The following ZFR variants were observed in gnomAD, a reference collection of about 807,000 sequenced individuals.
ZFR encodes zinc finger RNA binding protein, also known as zinc finger RNA-binding protein.
Under a neutral mutation model 130.7 loss-of-function variants are expected in ZFR, and 19 were observed. The observed-to-expected ratio is 0.15, with a 90% CI of 0.10 to 0.21. The LOEUF (loss-of-function observed/expected upper bound fraction) is 0.21, where lower values mean the gene tolerates loss of function less well. Ranked by LOEUF, ZFR falls within the 10% of genes least tolerant of loss-of-function variation. The probability of loss-of-function intolerance (pLI) is 1.00; values close to 1 mark genes in which losing one functional copy is unlikely to be tolerated. For synonymous variants in ZFR, 466 were observed against 456.9 expected (o/e 1.02, Z -0.25); for missense variants, 872 against 1,321.5 (o/e 0.66, Z 5.27).
In ZFR at chr5:32,408,567, T is replaced by C. The variant is rs182588796; in HGVS notation, c.785-1546A>G. 1.3e-4 allele frequency among the ~76,000 whole-genome samples: 20 copies of C among 152,330 alleles called. No individual in the cohort carries two copies. In the East Asian group the frequency reaches 3.9e-3, roughly 29 times the overall value. ...TTCATTATTGGTAACTGGACAATTT[T>C]ATGGCATTTCTCTACAGTAAAATTT... On this transcript the variant is annotated intron_variant, in intron 5 of 19. Coordinates refer to ENST00000265069, the MANE Select transcript of ZFR (RefSeq NM_016107.5).
At chr5:32,430,301 T>C (rs971474002) in intron 2 of ZFR, among the ~76,000 whole-genome samples, 3 of 151,998 alleles carry the variant, frequency 2.0e-5, no homozygotes, top group Non-Finnish European at 2.9e-5. Flanking sequence ...TAAAACTAAA[T>C]CATCTGACAA....
chr5:32,382,022 C>T (rs995835816), intron 15 of ZFR, among the ~76,000 whole-genome samples: 1 of 152,160 alleles, frequency 6.6e-6, no homozygotes, highest in African/African-American at 2.4e-5. Context: ...GAAAAAAGGG[C>T]CAGGTGCAGT....
intron 8 of ZFR, among the ~76,000 whole-genome samples, chr5:32,402,033 T>C (rs2111771867): frequency 6.6e-6 from 1 of 152,304 alleles, no homozygotes; most frequent in East Asian, 1.9e-4. Context: ...CACACCGCCA[T>C]ATAAAAGATG....
At chr5:32,409,372 GGTT>G (rs1753648243) in intron 5 of ZFR, among the ~76,000 whole-genome samples, 1 of 152,004 alleles carries the variant, frequency 6.6e-6, no homozygotes, top group Non-Finnish European at 1.5e-5. Flanking sequence ...CTATATAAAT[GGTT>G]GTTAAGCTGT....
chr5:32,423,652 A>T (rs1256799892), intron 2 of ZFR, among the ~76,000 whole-genome samples: 2 of 152,174 alleles, frequency 1.3e-5, no homozygotes, highest in Non-Finnish European at 2.9e-5. Flanking sequence ...AGATCAAAAA[A>T]ATTAAGAAAT....
At chr5:32,382,985 A>G (rs1752964985) in intron 15 of ZFR, among the ~76,000 whole-genome samples, 2 of 152,234 alleles carry the variant, frequency 1.3e-5, no homozygotes, top group Admixed American at 6.5e-5. Flanking sequence ...TTCTATGTGA[A>G]TGTATTTCAT....
chr5:32,357,519 G>A (rs761366543), intron 19 of ZFR, among the ~76,000 whole-genome samples: 14 of 152,136 alleles, frequency 9.2e-5, no homozygotes, highest in Non-Finnish European at 1.9e-4. Context: ...GCCTGCCTTG[G>A]CCTCCCGAAG....
intron 19 of ZFR, among the ~76,000 whole-genome samples, chr5:32,360,348 C>T (rs1752405319): frequency 6.6e-6 from 1 of 152,118 alleles, no homozygotes; most frequent in Non-Finnish European, 1.5e-5. Context: ...TTTCATTACC[C>T]TAAGTGGAAA....
intron 17 of ZFR, among the ~76,000 whole-genome samples, chr5:32,377,427 G>A (rs149964392): frequency 0.023 from 3,427 of 151,384 alleles, 35 homozygotes; most frequent in Middle Eastern, 0.041. Flanking sequence ...TGATCCACCC[G>A]CCTCGGCCTC....
At chr5:32,440,173 C>A (rs1184431470) in intron 2 of ZFR, among the ~76,000 whole-genome samples, 1 of 152,156 alleles carries the variant, frequency 6.6e-6, no homozygotes, top group Non-Finnish European at 1.5e-5. Context: ...AGGTACTCTA[C>A]TCTTAACAGG....
rs1752493669 is a variant in ZFR, at chr5:32,364,299, G to GT, written c.2836-25dup. 2.6e-6 allele frequency: 4 copies of GT among 1,519,384 alleles called. No homozygotes were observed. In the East Asian group the frequency reaches 9.2e-5, roughly 35 times the overall value. 94.1% of individuals were successfully genotyped at this position (1,519,384 alleles called of 1,614,324 possible). ...GCCTAAAAATACAACATAAAAATGT[G>GT]TTTAACAGCTTACCAAAGGAATTAC... is the stretch of plus-strand genomic sequence containing the variant. On this transcript the variant is annotated intron_variant, in intron 17 of 19. Coordinates refer to ENST00000265069, the MANE Select transcript of ZFR (RefSeq NM_016107.5).
chr5:32,427,234 CA>C (rs1346284552), intron 2 of ZFR, among the ~76,000 whole-genome samples: 1 of 151,574 alleles, frequency 6.6e-6, no homozygotes, highest in Non-Finnish European at 1.5e-5. Flanking sequence ...ACGAAAAATA[CA>C]AAAAACAATT....
intron 17 of ZFR, among the ~76,000 whole-genome samples, chr5:32,377,935 C>T (rs1752860947): frequency 6.6e-6 from 1 of 152,182 alleles, no homozygotes; most frequent in Non-Finnish European, 1.5e-5. Flanking sequence ...CAGTGATCCG[C>T]CCGCCTCGGC....
At position 32,400,233 on chromosome 5, in the gene ZFR, T is replaced by A. The variant is rs563137293; in HGVS notation, c.1517-30A>T. 2.6e-4 allele frequency: 391 copies of A among 1,494,388 alleles called. 1 individual carries two copies. Among genetic ancestry groups the A allele is most frequent in the African/African-American group, 5.1e-4 (36 of 70,020 alleles). The allele number at this position is 1,494,388 out of a possible 1,614,324, so 92.6% of individuals were successfully genotyped here. On this transcript the variant is annotated intron_variant, in intron 8 of 19. Coordinates refer to ENST00000265069, the MANE Select transcript of ZFR (RefSeq NM_016107.5). ...AAAAGTATCAAAAAGTTAAAAAAAA[T>A]TTTATTTTTGTATAAATATATATAC...
intron 2 of ZFR, among the ~76,000 whole-genome samples, chr5:32,423,813 T>C (rs562062766): frequency 1.3e-5 from 2 of 152,260 alleles, no homozygotes; most frequent in South Asian, 4.1e-4. Context: ...ACTGGGCACC[T>C]GCAACTAAAT....
intron 2 of ZFR, among the ~76,000 whole-genome samples, chr5:32,434,056 C>T (rs1414713464): frequency 6.6e-6 from 1 of 152,146 alleles, no homozygotes; most frequent in Non-Finnish European, 1.5e-5. Flanking sequence ...GGCTAGAGTT[C>T]GAAACCCTTG....
At chr5:32,386,156 A>G (rs1347784743) in intron 14 of ZFR, among the ~76,000 whole-genome samples, 2 of 152,104 alleles carry the variant, frequency 1.3e-5, no homozygotes, top group Non-Finnish European at 2.9e-5. Flanking sequence ...TGAAGACTCT[A>G]CAGAAACTAC....
chr5:32,355,174 A>C lies in ZFR; in HGVS notation c.*586T>G. The C allele has an allele frequency of 6.6e-6, 1 of 152,222 alleles. No homozygotes were observed. The highest frequency in any genetic ancestry group is 1.9e-4 in the East Asian group (1 of 5,202). 9.4% of individuals were successfully genotyped at this position (152,222 alleles called of 1,614,324 possible). ...ATATCACACTAGAGACAAATGCCAC[A>C]AGATCTGCAGAAACATTCAGTTCTG... On this transcript the variant is annotated 3_prime_UTR_variant, in exon 20 of 20. Coordinates refer to ENST00000265069, the MANE Select transcript of ZFR (RefSeq NM_016107.5).
At chr5:32,371,310 C>T (rs1351165761) in intron 17 of ZFR, among the ~76,000 whole-genome samples, 1 of 152,214 alleles carries the variant, frequency 6.6e-6, no homozygotes, top group Non-Finnish European at 1.5e-5. Context: ...TTCAAAGCTG[C>T]AGTGAGCCAG....
Sources: allele counts gnomAD v4.1 joint callset (sites outside exome capture counted in the v4.1 genomes callset), GRCh38; gene constraint gnomAD v4.1.1; transcripts MANE v1.5; gene names NCBI Gene and HGNC (gene_info 2026-07-23, HGNC 2026-07-21).